Variants in SDK1 observed in about 807,000 individuals in gnomAD.
SDK1 encodes the protein sidekick cell adhesion molecule 1, also known as protein sidekick-1.
In SDK1, 157 loss-of-function variants were observed where a neutral mutation model predicts 245.5. The observed-to-expected ratio is 0.64, with a 90% CI of 0.56 to 0.73. SDK1 has a LOEUF of 0.73. SDK1 is among the 30% of genes least tolerant of loss of function. The probability of loss-of-function intolerance (pLI) is 0.00; values close to 1 mark genes in which losing one functional copy is unlikely to be tolerated. For missense variants in SDK1, 3,583 were observed against 3,002.3 expected (o/e 1.19, Z -4.52); for synonymous variants, 1,647 against 1,278.5 (o/e 1.29, Z -6.15).
At chr7:3,379,749 A>G (rs1324015836) in intron 1 of SDK1, among the ~76,000 whole-genome samples, 1 of 152,226 alleles carries the variant, frequency 6.6e-6, no homozygotes, top group African/African-American at 2.4e-5. Context: ...ATATAGACAC[A>G]TACATACATA....
At position 3,652,635 on chromosome 7, in the gene SDK1, G is replaced by T. The variant is rs184031359; in HGVS notation, c.713+10530G>T. 2.8e-3 allele frequency among the ~76,000 whole-genome samples: 426 copies of T among 152,342 alleles called. 1 individual carries two copies. Among genetic ancestry groups the T allele is most frequent in the Non-Finnish European group, 4.9e-3 (336 of 68,024 alleles). On this transcript the variant is annotated intron_variant, in intron 4 of 44. Transcript: ENST00000404826. The stretch of plus-strand genomic sequence containing the variant: ...AGAGAGAGTATTAGGTTATCATTCA[G>T]ACAGTCAGAAGCGAACTAGGGAAAC...
intron 1 of SDK1, among the ~76,000 whole-genome samples, chr7:3,516,297 C>A (rs1583984826): frequency 1.3e-5 from 2 of 152,018 alleles, no homozygotes; most frequent in East Asian, 3.9e-4. Flanking sequence ...TTTACTTATA[C>A]ATGCAGCTGT....
chr7:4,134,004 G>A (rs1407448051), intron 28 of SDK1, among the ~76,000 whole-genome samples: 3 of 152,166 alleles, frequency 2.0e-5, no homozygotes, highest in African/African-American at 4.8e-5. Context: ...TGTGTTGAAC[G>A]GCAGCAGGAA....
intron 22 of SDK1, among the ~76,000 whole-genome samples, chr7:4,092,656 C>T (rs964459580): frequency 2.0e-5 from 3 of 152,116 alleles, no homozygotes; most frequent in Admixed American, 6.5e-5. Context: ...AGAAAGACTC[C>T]GGAGCACATG....
At chr7:4,263,050 C>T (rs866701607) in intron 44 of SDK1, among the ~76,000 whole-genome samples, 1 of 344 alleles carries the variant, frequency 2.9e-3, no homozygotes, top group African/African-American at 0.013. Flanking sequence ...CTCATCACCC[C>T]CCACCCCCTC....
intron 1 of SDK1, among the ~76,000 whole-genome samples, chr7:3,370,602 A>C (rs1304705633): frequency 6.6e-6 from 1 of 152,176 alleles, no homozygotes; most frequent in African/African-American, 2.4e-5. Flanking sequence ...ATTCTCGTTA[A>C]AACGTCCAGC....
intron 1 of SDK1, among the ~76,000 whole-genome samples, chr7:3,478,504 AC>A (rs1383774930): frequency 6.6e-6 from 1 of 152,068 alleles, no homozygotes; most frequent in East Asian, 1.9e-4. Flanking sequence ...AATATATTCA[AC>A]TTTAAAAATA....
intron 11 of SDK1, 60 bp downstream of exon 11, chr7:3,969,484 C>T (rs920148182): frequency 8.8e-6 from 12 of 1,360,728 alleles, no homozygotes; most frequent in East Asian, 2.6e-5. Context: ...ATCACGTCAT[C>T]GTGTGCTTTG....
chr7:4,120,263 A>G (rs1562839282), intron 25 of SDK1, among the ~76,000 whole-genome samples: 1 of 149,314 alleles, frequency 6.7e-6, no homozygotes, highest in Non-Finnish European at 1.5e-5. Flanking sequence ...ATTATTTACA[A>G]GACTGAAGAA....
intron 5 of SDK1, among the ~76,000 whole-genome samples, chr7:3,947,264 C>G (rs1780614700): frequency 6.6e-6 from 1 of 152,194 alleles, no homozygotes; most frequent in Non-Finnish European, 1.5e-5. Flanking sequence ...CAATTCTCTT[C>G]TGCTCTTCCA....
intron 1 of SDK1, among the ~76,000 whole-genome samples, chr7:3,610,515 G>T (rs942930852): frequency 6.6e-6 from 1 of 152,172 alleles, no homozygotes; most frequent in African/African-American, 2.4e-5. Flanking sequence ...GCTTATTTCA[G>T]TTTGGAGAAA....
chr7:3,781,615 A>G (rs1562439221), intron 4 of SDK1, among the ~76,000 whole-genome samples: 2 of 152,222 alleles, frequency 1.3e-5, no homozygotes, highest in South Asian at 4.1e-4. Context: ...AGAATTCAGA[A>G]TAGTACTCAT....
chr7:3,305,509 C>T (rs950070501), intron 1 of SDK1, among the ~76,000 whole-genome samples: 3 of 152,154 alleles, frequency 2.0e-5, no homozygotes, highest in African/African-American at 7.2e-5. Flanking sequence ...GTTGAGTTCA[C>T]TACAAATCTA....
chr7:3,436,997 G>T (rs1211282428), intron 1 of SDK1, among the ~76,000 whole-genome samples: 2 of 152,148 alleles, frequency 1.3e-5, no homozygotes, highest in Non-Finnish European at 2.9e-5. Context: ...AATTTCCTGG[G>T]TTATATATGT....
intron 1 of SDK1, among the ~76,000 whole-genome samples, chr7:3,452,759 G>A (rs1780554453): frequency 1.3e-5 from 2 of 152,158 alleles, no homozygotes; most frequent in Admixed American, 1.3e-4. Context: ...CCACCACCCT[G>A]TTAGAAATCC....
intron 37 of SDK1, among the ~76,000 whole-genome samples, chr7:4,209,652 G>A (rs1784413569): frequency 6.6e-6 from 1 of 152,184 alleles, no homozygotes; most frequent in Non-Finnish European, 1.5e-5. Context: ...ACAGAGCTCC[G>A]TCTCTCCGGC....
chr7:3,612,875 G>A (rs992957703), intron 1 of SDK1, among the ~76,000 whole-genome samples: 2 of 152,034 alleles, frequency 1.3e-5, no homozygotes, highest in South Asian at 2.1e-4. Context: ...CACTTCACCG[G>A]GACACGTGGA....
At position 3,315,334 on chromosome 7, in the gene SDK1, T is replaced by A. The variant is rs529693009; in HGVS notation, c.298+13450T>A. Among the ~76,000 whole-genome samples, 6 of 152,194 alleles carry A rather than the reference T, an allele frequency of 3.9e-5. No individual in the cohort carries two copies. In the South Asian group the frequency reaches 1.0e-3, roughly 26 times the overall value. On this transcript the variant is annotated intron_variant, in intron 1 of 44. Coordinates refer to ENST00000404826, the MANE Select transcript of SDK1 (RefSeq NM_152744.4). ...GTATCATACATCCTTACAACCCTAT[T>A]TTATAGTTGAGGAAATTGAGGTCCA... is the stretch of plus-strand genomic sequence containing the variant.
At chr7:3,874,568 G>A (rs894609946) in intron 5 of SDK1, among the ~76,000 whole-genome samples, 5 of 152,174 alleles carry the variant, frequency 3.3e-5, no homozygotes, top group Non-Finnish European at 5.9e-5. Context: ...ATATATTCCC[G>A]CCTCCCTTCC....
Sources: gnomAD v4.1 joint callset for allele counts (sites outside exome capture counted in the v4.1 genomes callset) on GRCh38, gnomAD v4.1.1 for gene constraint, MANE v1.5 for transcripts, NCBI Gene and HGNC (gene_info 2026-07-23, HGNC 2026-07-21) for gene names.